Variants in PITPNM2 observed in about 807,000 individuals in gnomAD.
PITPNM2 encodes the protein membrane-associated phosphatidylinositol transfer protein 2.
Under a neutral mutation model 132.2 loss-of-function variants are expected in PITPNM2, and 35 were observed. The observed-to-expected ratio is 0.26, with a 90% CI of 0.20 to 0.35. The LOEUF (loss-of-function observed/expected upper bound fraction) is 0.35. PITPNM2 is among the 10% of genes least tolerant of loss of function. The pLI is 1.00. For missense variants in PITPNM2, 1,332 were observed against 1,912.0 expected, an observed-to-expected ratio of 0.70 and a Z score of 5.66; for synonymous variants, 738 against 799.2, an observed-to-expected ratio of 0.92 and a Z score of 1.29.
At chr12:123,047,840 C>T (rs1399295862) in intron 2 of PITPNM2, among the ~76,000 whole-genome samples, 1 of 151,624 alleles carries the variant, frequency 6.6e-6, no homozygotes, top group Non-Finnish European at 1.5e-5. Context: ...ATGGCTCACG[C>T]CTGTAATCCC....
In PITPNM2 at chr12:123,126,670, C is replaced by T. The variant is rs546873997; in HGVS notation, c.-199-16182G>A. On this transcript the variant is annotated intron_variant, in intron 1 of 25. Coordinates refer to ENST00000320201, the MANE Select transcript of PITPNM2 (RefSeq NM_020845.3). ...GACAGCTGGCAGACACACATCCATC[C>T]ACCCCTTCCGTGGCCTCCGAGAACA... is the stretch of plus-strand genomic sequence containing the variant. Among the ~76,000 whole-genome samples, 20 of 152,252 alleles carry T rather than the reference C, an allele frequency of 1.3e-4. No homozygotes were observed. In the South Asian group the frequency reaches 3.3e-3, roughly 25 times the overall value.
intron 19 of PITPNM2, among the ~76,000 whole-genome samples, 154 bp downstream of exon 19, chr12:122,988,570 A>C (rs1357241990): frequency 6.6e-6 from 1 of 152,162 alleles, no homozygotes; most frequent in Non-Finnish European, 1.5e-5. Flanking sequence ...GAAAAGCCTG[A>C]ATACACCCGA....
intron 1 of PITPNM2, among the ~76,000 whole-genome samples, chr12:123,137,892 CAAA>C (rs72436741): frequency 1.6e-5 from 2 of 127,010 alleles, no homozygotes; most frequent in Non-Finnish European, 3.2e-5. Context: ...GATTCTGTCT[CAAA>C]AAAAAAAAAA....
intron 2 of PITPNM2, among the ~76,000 whole-genome samples, chr12:123,041,626 C>T (rs906290350): frequency 2.0e-5 from 3 of 152,198 alleles, no homozygotes; most frequent in African/African-American, 4.8e-5. Flanking sequence ...TGGGTGCTAG[C>T]GAGACAGACA....
At chr12:123,104,806 C>T (rs2042661985) in intron 2 of PITPNM2, among the ~76,000 whole-genome samples, 3 of 152,152 alleles carry the variant, frequency 2.0e-5, no homozygotes, top group African/African-American at 7.2e-5. Context: ...ATGAAACTCC[C>T]TATTGCAATT....
At chr12:123,069,426 G>A (rs551614769) in intron 2 of PITPNM2, among the ~76,000 whole-genome samples, 19 of 152,228 alleles carry the variant, frequency 1.2e-4, no homozygotes, top group African/African-American at 2.6e-4. Context: ...GCAGACAGAT[G>A]GAGAGACTGG....
intron 1 of PITPNM2, among the ~76,000 whole-genome samples, chr12:123,119,740 T>C (rs140664977): frequency 6.6e-6 from 1 of 152,030 alleles, no homozygotes; most frequent in African/African-American, 2.4e-5. Context: ...TCAGGCTGAA[T>C]ACAGAGGCTT....
rs533096130 is a variant in PITPNM2, at chr12:123,012,135, A to G, written c.415+478T>C. 9.2e-5 allele frequency among the ~76,000 whole-genome samples: 14 copies of G among 152,344 alleles called. 1 individual carries two copies. The South Asian group carries it at 2.9e-3, about 32-fold the overall frequency. ...TTTTAATTGGTTGCTAACATTTAGT[A>G]TTGGGAGATTTCTCATGAACATCCT... On this transcript the variant is annotated intron_variant, in intron 5 of 25. Transcript: ENST00000320201.
At chr12:123,122,731 T>A (rs1408076620) in intron 1 of PITPNM2, among the ~76,000 whole-genome samples, 1 of 152,184 alleles carries the variant, frequency 6.6e-6, no homozygotes, top group Non-Finnish European at 1.5e-5. Flanking sequence ...AGCCCCTCAG[T>A]CGTGTGCAAG....
chr12:123,098,471 G>A (rs2042467478), intron 2 of PITPNM2, among the ~76,000 whole-genome samples: 1 of 152,158 alleles, frequency 6.6e-6, no homozygotes, highest in Non-Finnish European at 1.5e-5. Context: ...TTGGGAAACT[G>A]TGGGAGGATC....
At chr12:123,001,970 G>A (rs1280865023) in intron 8 of PITPNM2, among the ~76,000 whole-genome samples, 2 of 151,734 alleles carry the variant, frequency 1.3e-5, no homozygotes, top group African/African-American at 2.4e-5. Flanking sequence ...GGCGGAGGTT[G>A]CAGCGAGCTG....
At chr12:122,996,967 C>T in intron 11 of PITPNM2, 57 bp from the exon 12 acceptor site, 1 of 1,436,612 alleles carries the variant, frequency 7.0e-7, no homozygotes, top group Non-Finnish European at 9.3e-7. Flanking sequence ...CCCAAAGGGC[C>T]CCTCTCCCCT....
At chr12:123,057,805 A>T (rs572549832) in intron 2 of PITPNM2, among the ~76,000 whole-genome samples, 1 of 152,340 alleles carries the variant, frequency 6.6e-6, no homozygotes, top group East Asian at 1.9e-4. Context: ...GGAGGGGGAA[A>T]GCAGAGCCAT....
At position 123,009,091 on chromosome 12, in the gene PITPNM2, G is replaced by A. The variant is rs1184536197; in HGVS notation, c.643+759C>T. ...TATCGTAAGCTTACGTGACAAGCGT[G>A]ATATGTACTGTCAACAGTGTGGCTC... On this transcript the variant is annotated intron_variant, in intron 6 of 25. Coordinates refer to ENST00000320201, the MANE Select transcript of PITPNM2 (RefSeq NM_020845.3). The surrounding 1 kb of genome is among the most constrained non-coding windows in gnomAD (Gnocchi z 4.8). 6.6e-6 allele frequency among the ~76,000 whole-genome samples: 1 copy of A among 152,222 alleles called. No homozygotes were observed. Among genetic ancestry groups the A allele is most frequent in the Non-Finnish European group, 1.5e-5 (1 of 68,034 alleles).
chr12:123,070,186 G>A (rs2041582041), intron 2 of PITPNM2, among the ~76,000 whole-genome samples: 1 of 152,202 alleles, frequency 6.6e-6, no homozygotes, highest in South Asian at 2.1e-4. Flanking sequence ...ACTGCTCTTG[G>A]GGCTTAAATC....
intron 24 of PITPNM2, 30 bp from the exon 25 acceptor site, chr12:122,986,594 C>A (rs780654719): frequency 1.3e-6 from 2 of 1,599,464 alleles, no homozygotes; most frequent in South Asian, 2.2e-5. Flanking sequence ...GGCACAGGCA[C>A]CATGGTCCCT....
intron 1 of PITPNM2, among the ~76,000 whole-genome samples, chr12:123,122,584 G>T (rs1035678966): frequency 6.6e-6 from 1 of 152,142 alleles, no homozygotes; most frequent in African/African-American, 2.4e-5. Context: ...CTCCCTGAAG[G>T]TTAGCTTCTG....
intron 1 of PITPNM2, among the ~76,000 whole-genome samples, chr12:123,116,711 A>T (rs2042943263): frequency 6.6e-6 from 1 of 151,036 alleles, no homozygotes. Flanking sequence ...GGCAGCCTGG[A>T]TGCTTCTGCA....
In PITPNM2 at chr12:122,995,487, G is replaced by A. The variant is rs61751326; in HGVS notation, c.1956C>T (p.Asn652=). 51,281 of 1,613,892 alleles carry A rather than the reference G, an allele frequency of 0.032. 981 individuals carry two copies. Among genetic ancestry groups the A allele is most frequent in the South Asian group, 0.046 (4,220 of 91,084 alleles). Reference sequence around the variant, plus strand: ...GTTGCCTTTTGGGGTCCTCAGTGCCGTTGCTGCGGGGGATGTCGACGTTGC... The same window carrying A: ...GTTGCCTTTTGGGGTCCTCAGTGCCATTGCTGCGGGGGATGTCGACGTTGC... ...SRSNVDIPRS[N]GTEDPKRQLP... Residue 652 remains asparagine, a synonymous_variant, in exon 14 of 26, where the codon AAC becomes AAT. Coordinates refer to ENST00000320201, the MANE Select transcript of PITPNM2 (RefSeq NM_020845.3).
Sources: allele counts gnomAD v4.1 joint callset (sites outside exome capture counted in the v4.1 genomes callset), GRCh38; gene constraint gnomAD v4.1.1; non-coding constraint Gnocchi (gnomAD v3.1); transcripts MANE v1.5; gene names NCBI Gene and HGNC (gene_info 2026-07-23, HGNC 2026-07-21).